Variants in GTF2H3 observed in about 807,000 individuals in gnomAD.
GTF2H3 encodes the protein general transcription factor IIH subunit 3, also known as TFIIH basal transcription factor complex p34 subunit.
A neutral mutation model predicts 51.1 loss-of-function variants in GTF2H3; 42 were observed. The observed-to-expected ratio is 0.82, with a 90% CI of 0.64 to 1.06. The LOEUF (loss-of-function observed/expected upper bound fraction) is 1.06. Ranked by LOEUF, GTF2H3 falls within the 50% of genes least tolerant of loss-of-function variation. The probability of loss-of-function intolerance (pLI) is 0.00; values close to 1 mark genes in which losing one functional copy is unlikely to be tolerated. For synonymous variants in GTF2H3, 123 were observed against 123.8 expected, an observed-to-expected ratio of 0.99 and a Z score of 0.04; for missense variants, 326 against 366.1, an observed-to-expected ratio of 0.89 and a Z score of 0.89.
chr12:123,637,563 C>T (rs1425211393), intron 1 of GTF2H3, among the ~76,000 whole-genome samples: 1 of 149,614 alleles, frequency 6.7e-6, no homozygotes, highest in African/African-American at 2.5e-5. Flanking sequence ...AGTGCAGTGG[C>T]AAGATCTCAG....
intron 9 of GTF2H3, among the ~76,000 whole-genome samples, chr12:123,657,804 A>C (rs974932745): frequency 6.6e-6 from 1 of 152,234 alleles, no homozygotes; most frequent in African/African-American, 2.4e-5. Flanking sequence ...CCAGGACTGT[A>C]CTATCAGAGG....
rs565465960 is a variant in GTF2H3 at position 123,651,555 on chromosome 12, C to T, written c.427+499C>T. Among the ~76,000 whole-genome samples the T allele has an allele frequency of 3.3e-5, 5 of 151,786 alleles. No homozygotes were observed. The East Asian group carries it at 5.9e-4, about 18-fold the overall frequency. On this transcript the variant is annotated intron_variant, in intron 5 of 12. Transcript: ENST00000543341. ...GCTGTAAAGGCCGGGCGTGGTGGCT[C>T]ATGCCTGTAATCCCAGCACTTTGGG... is the stretch of plus-strand genomic sequence containing the variant.
chr12:123,648,769 C>T (rs1955482987), intron 4 of GTF2H3, among the ~76,000 whole-genome samples: 1 of 152,190 alleles, frequency 6.6e-6, no homozygotes, highest in African/African-American at 2.4e-5. Flanking sequence ...GTCGTTTAGC[C>T]TCAGAAGTGT....
Position 123,639,356 on chromosome 12 carries a change from G to C in GTF2H3, c.93+13G>C. ...AAAGGAATCTCAGGTAAGACTGCTT[G>C]AGGAGGCCTTTGGAGAATTCTGGTT... On this transcript the variant is annotated intron_variant, in intron 2 of 12. Transcript: ENST00000543341. 1.4e-6 allele frequency: 2 copies of C among 1,431,194 alleles called. No individual in the cohort carries two copies. Among genetic ancestry groups the C allele is most frequent in the East Asian group, 2.3e-5 (1 of 43,992 alleles). 88.7% of individuals were successfully genotyped at this position (1,431,194 alleles called of 1,614,324 possible).
chr12:123,654,818 AGAC>A (rs1344300999), intron 7 of GTF2H3, 103 bp from the exon 8 acceptor site: 4 of 771,642 alleles, frequency 5.2e-6, no homozygotes, highest in Admixed American at 4.0e-5. Flanking sequence ...ATAAATGGGA[AGAC>A]AAACTGGAAT....
At chr12:123,633,959 G>C in intron 1 of GTF2H3, 87 bp downstream of exon 1, 2 of 1,416,490 alleles carry the variant, frequency 1.4e-6, no homozygotes, top group South Asian at 2.3e-5. Flanking sequence ...GTGTCTTTTG[G>C]GCTGGATAGA....
intron 9 of GTF2H3, among the ~76,000 whole-genome samples, chr12:123,658,495 T>C (rs757646305): frequency 2.6e-5 from 4 of 152,172 alleles, no homozygotes; most frequent in Non-Finnish European, 4.4e-5. Flanking sequence ...GCGCCCGGCC[T>C]AATTTTTTAA....
At chr12:123,645,610 G>GT in intron 3 of GTF2H3, 49 bp downstream of exon 3, 1 of 956,126 alleles carries the variant, frequency 1.0e-6, no homozygotes, top group South Asian at 1.3e-5. Context: ...ATATTCATGA[G>GT]TTTTCTGTGC....
chr12:123,657,412 G>T (rs1310304483), intron 9 of GTF2H3, among the ~76,000 whole-genome samples: 3 of 152,126 alleles, frequency 2.0e-5, no homozygotes, highest in Admixed American at 6.5e-5. Flanking sequence ...CCTTGCTATT[G>T]CCTGAAACAG....
chr12:123,635,143 A>G (rs1245591360), intron 1 of GTF2H3, among the ~76,000 whole-genome samples: 1 of 152,198 alleles, frequency 6.6e-6, no homozygotes, highest in Non-Finnish European at 1.5e-5. Flanking sequence ...GGGTCATTGC[A>G]TGTGTATAGA....
intron 9 of GTF2H3, among the ~76,000 whole-genome samples, chr12:123,658,084 G>A (rs1016712945): frequency 6.6e-5 from 10 of 152,240 alleles, no homozygotes; most frequent in Admixed American, 6.5e-4. Context: ...TTTTTAGACA[G>A]AGTCTTGCTC....
chr12:123,634,742 C>T (rs1265259584), intron 1 of GTF2H3, among the ~76,000 whole-genome samples: 1 of 152,172 alleles, frequency 6.6e-6, no homozygotes, highest in Non-Finnish European at 1.5e-5. Context: ...ATACATTAAA[C>T]TACCACATAC....
chr12:123,644,748 G>C (rs143891816), intron 2 of GTF2H3, among the ~76,000 whole-genome samples: 1 of 152,030 alleles, frequency 6.6e-6, no homozygotes, highest in Non-Finnish European at 1.5e-5. Flanking sequence ...TATACCAGAC[G>C]TACAGTAGTG....
intron 3 of GTF2H3, among the ~76,000 whole-genome samples, chr12:123,647,069 C>T (rs542141087): frequency 2.0e-5 from 3 of 149,566 alleles, no homozygotes; most frequent in South Asian, 2.1e-4. Context: ...AGGAGAATGT[C>T]GTGAACCCGG....
At chr12:123,645,312 C>A in intron 2 of GTF2H3, 143 bp from the exon 3 acceptor site, 1 of 600,780 alleles carries the variant, frequency 1.7e-6, no homozygotes, top group African/African-American at 1.9e-5. Flanking sequence ...TCAAGCAGTC[C>A]TCCCACCTTG....
At chr12:123,656,935 A>G (rs540758401) in intron 9 of GTF2H3, among the ~76,000 whole-genome samples, 1 of 152,234 alleles carries the variant, frequency 6.6e-6, no homozygotes, top group South Asian at 2.1e-4. Flanking sequence ...ACAATACAAA[A>G]AAATTAGCCT....
Position 123,659,926 on chromosome 12 carries a change from G to T in GTF2H3, c.816G>T (p.Leu272Phe). The change falls in exon 11 of 13, where the codon TTG (leucine) becomes TTT (phenylalanine). Residue 272 changes from leucine to phenylalanine, a missense_variant. Leu to Phe is a conservative substitution (Grantham distance 22). Coordinates refer to ENST00000543341, the MANE Select transcript of GTF2H3 (RefSeq NM_001516.5). ...IEIGYVCSVC[L>F]SIFCNFSPIC... The stretch of plus-strand genomic sequence containing the variant: ...TTGGTTATGTCTGTTCTGTGTGTTT[G>T]TCAAGTAAGTTAATGTACCTAGTTT... 1 of 1,612,780 alleles carries T rather than the reference G, an allele frequency of 6.2e-7. No homozygotes were observed. The highest frequency in any genetic ancestry group is 1.7e-4 in the Middle Eastern group (1 of 6,058).
At chr12:123,642,679 T>A (rs1417502534) in intron 2 of GTF2H3, among the ~76,000 whole-genome samples, 1 of 152,170 alleles carries the variant, frequency 6.6e-6, no homozygotes, top group Non-Finnish European at 1.5e-5. Flanking sequence ...ATAGATCCAC[T>A]TCCACCCCTT....
At chr12:123,639,544 C>T (rs542527980) in intron 2 of GTF2H3, among the ~76,000 whole-genome samples, 1 of 152,186 alleles carries the variant, frequency 6.6e-6, no homozygotes, top group African/African-American at 2.4e-5. Context: ...TCTTTGACTG[C>T]GTAGCGTTCC....
Sources: allele counts gnomAD v4.1 joint callset (sites outside exome capture counted in the v4.1 genomes callset), GRCh38; gene constraint gnomAD v4.1.1; transcripts MANE v1.5; gene names NCBI Gene and HGNC (gene_info 2026-07-23, HGNC 2026-07-21).